The following TPH1 variants were observed in gnomAD, a reference collection of about 807,000 sequenced individuals.
The protein encoded by TPH1 is tryptophan 5-hydroxylase 1.
Under a neutral mutation model 49.5 loss-of-function variants are expected in TPH1, and 37 were observed. That is an observed-to-expected ratio of 0.75 (90% CI 0.58 to 0.98). The LOEUF is 0.98. Ranked by LOEUF, TPH1 falls within the 50% of genes least tolerant of loss-of-function variation. The pLI is 0.00. For missense variants in TPH1, 487 were observed against 523.6 expected (o/e 0.93, Z 0.68); for synonymous variants, 160 against 182.1 (o/e 0.88, Z 0.98).
intron 1 of TPH1, among the ~76,000 whole-genome samples, chr11:18,042,784 C>T (rs2134036411): frequency 6.6e-6 from 1 of 152,252 alleles, no homozygotes; most frequent in African/African-American, 2.4e-5. Context: ...ATTCTAAATA[C>T]CTCTGGCTAA....
chr11:18,035,432 C>CT (rs112992467), intron 3 of TPH1, among the ~76,000 whole-genome samples: 43,401 of 131,890 alleles, frequency 0.33, 8,097 homozygotes, highest in East Asian at 0.51. Flanking sequence ...TCTTTCCTTT[C>CT]TTTTTTTTTT....
chr11:18,042,518 T>G, intron 1 of TPH1: 1 of 330,908 alleles, frequency 3.0e-6, no homozygotes, highest in South Asian at 2.5e-5. Context: ...TCTAGGCAAG[T>G]TATAATCTTT....
intron 6 of TPH1, among the ~76,000 whole-genome samples, chr11:18,028,564 A>G (rs56094695): frequency 0.026 from 3,921 of 152,216 alleles, 147 homozygotes; most frequent in African/African-American, 0.09. Flanking sequence ...CAGCCCCTAA[A>G]TCTCTAGGTT....
chr11:18,043,211 C>T (rs1372936106), intron 1 of TPH1, among the ~76,000 whole-genome samples: 1 of 152,182 alleles, frequency 6.6e-6, no homozygotes, highest in South Asian at 2.1e-4. Context: ...AAAGTTACCA[C>T]TGATTTTTTC....
intron 2 of TPH1, among the ~76,000 whole-genome samples, chr11:18,036,771 C>A (rs969592200): frequency 2.0e-5 from 3 of 152,140 alleles, no homozygotes; most frequent in African/African-American, 7.2e-5. Context: ...GCACTAATCA[C>A]CCTATAGTTT....
At chr11:18,028,173 A>T (rs1462019841) in intron 6 of TPH1, among the ~76,000 whole-genome samples, 1 of 152,254 alleles carries the variant, frequency 6.6e-6, no homozygotes, top group East Asian at 1.9e-4. Context: ...GCTAGAAAAA[A>T]GTAAAGAGGC....
At chr11:18,038,645 A>C (rs1848070145) in intron 2 of TPH1, among the ~76,000 whole-genome samples, 1 of 152,244 alleles carries the variant, frequency 6.6e-6, no homozygotes, top group Non-Finnish European at 1.5e-5. Context: ...GATTAACTCA[A>C]GCTTCTGCAC....
At chr11:18,042,993 T>A (rs1848111518) in intron 1 of TPH1, among the ~76,000 whole-genome samples, 1 of 152,222 alleles carries the variant, frequency 6.6e-6, no homozygotes, top group African/African-American at 2.4e-5. Context: ...ATTCAGCAGT[T>A]TTTTTGCAAA....
intron 2 of TPH1, among the ~76,000 whole-genome samples, chr11:18,038,929 A>G (rs185413651): frequency 6.6e-6 from 1 of 152,314 alleles, no homozygotes. Flanking sequence ...GGGAGGTGGT[A>G]TCAGTATCAT....
At chr11:18,022,137 A>C (rs1480342500) in intron 10 of TPH1, among the ~76,000 whole-genome samples, 1 of 152,072 alleles carries the variant, frequency 6.6e-6, no homozygotes, top group Admixed American at 6.5e-5. Flanking sequence ...TCTCCTTCAA[A>C]AGTCTTTTCT....
chr11:18,037,942 T>C (rs1245198494), intron 2 of TPH1, among the ~76,000 whole-genome samples: 1 of 152,194 alleles, frequency 6.6e-6, no homozygotes, highest in Non-Finnish European at 1.5e-5. Flanking sequence ...TGTAATCCTG[T>C]TGCCCAAGAA....
intron 6 of TPH1, among the ~76,000 whole-genome samples, chr11:18,026,999 GGGTTA>G (rs1847935288): frequency 6.6e-6 from 1 of 152,146 alleles, no homozygotes; most frequent in Non-Finnish European, 1.5e-5. Context: ...CTCCCTTAAG[GGGTTA>G]TACTATCTCC....
At chr11:18,043,699 C>CA (rs1272694333) in intron 1 of TPH1, among the ~76,000 whole-genome samples, 4 of 151,800 alleles carry the variant, frequency 2.6e-5, no homozygotes, top group South Asian at 4.2e-4. Flanking sequence ...ACAACAACAA[C>CA]AAAAAAAATT....
intron 8 of TPH1, among the ~76,000 whole-genome samples, chr11:18,025,322 ATT>A (rs991646069): frequency 1.3e-5 from 2 of 151,848 alleles, no homozygotes; most frequent in African/African-American, 4.8e-5. Context: ...GCAAAAACAA[ATT>A]TTCTTTTCCT....
Position 18,023,968 on chromosome 11 carries a change from C to T in TPH1, c.946G>A (p.Val316Met). ...QKLATCYFFT[V>M]EFGLCKQDGQ... ...TCTTGTTTACATAGACCAAACTCCA[C>T]AGTGAAAAAGTAGCACTGCAAAAGA... The change falls in exon 9 of 11, where the codon GTG becomes ATG. Residue 316 changes from valine (V) to methionine (M), a missense_variant. By Grantham distance (21) the Val-to-Met change is conservative. Coordinates refer to ENST00000682019, the MANE Select transcript of TPH1 (RefSeq NM_004179.3). 4 of 1,612,822 alleles carry T rather than the reference C, an allele frequency of 2.5e-6. No homozygotes were observed. Among genetic ancestry groups the T allele is most frequent in the Non-Finnish European group, 3.4e-6 (4 of 1,179,188 alleles).
Position 18,020,103 on chromosome 11 carries a change from C to T in TPH1, c.*888G>A, listed in dbSNP as rs1449869170. 4.7e-6 allele frequency: 1 copy of T among 212,002 alleles called. No homozygotes were observed. The highest frequency in any genetic ancestry group is 9.5e-6 in the Non-Finnish European group (1 of 105,494). The allele number at this position is 212,002 out of a possible 1,614,324, so 13.1% of individuals were successfully genotyped here. A position where few individuals can be genotyped will look rare whatever the true frequency, so the allele number is the denominator to read the frequency against. On this transcript the variant is annotated 3_prime_UTR_variant, in exon 11 of 11. Transcript: ENST00000682019. ...TTTGATAACAATGCTTCCTGTTAAT[C>T]TGGGGACAATCCCATTATAATACCT...
chr11:18,026,097 T>G (rs557204007), intron 7 of TPH1, among the ~76,000 whole-genome samples: 1 of 152,138 alleles, frequency 6.6e-6, no homozygotes, highest in East Asian at 1.9e-4. Flanking sequence ...CATCCCCCTT[T>G]CTCAGCTTTA....
chr11:18,037,144 A>G (rs1174411660), intron 2 of TPH1, among the ~76,000 whole-genome samples: 1 of 152,188 alleles, frequency 6.6e-6, no homozygotes, highest in African/African-American at 2.4e-5. Context: ...GAATCACTTG[A>G]GCCCAGGAGT....
chr11:18,039,642 T>C (rs1004533600), intron 2 of TPH1, among the ~76,000 whole-genome samples: 15 of 152,184 alleles, frequency 9.9e-5, no homozygotes, highest in African/African-American at 3.6e-4. Context: ...ACTTTACACA[T>C]AGTGATTATT....
Sources: allele counts gnomAD v4.1 joint callset (sites outside exome capture counted in the v4.1 genomes callset), GRCh38; gene constraint gnomAD v4.1.1; transcripts MANE v1.5; gene names NCBI Gene and HGNC (gene_info 2026-07-23, HGNC 2026-07-21).